SASH1: variants seen among roughly 807,000 people sequenced by gnomAD.
SASH1 encodes SAM and SH3 domain-containing protein 1.
A neutral mutation model predicts 125.2 loss-of-function variants in SASH1; 44 were observed. The observed-to-expected ratio is 0.35, with a 90% confidence interval of 0.28 to 0.45. The LOEUF is 0.45. Ranked by LOEUF, SASH1 falls within the 20% of genes least tolerant of loss-of-function variation. The probability of loss-of-function intolerance (pLI) is 1.00; values close to 1 mark genes in which losing one functional copy is unlikely to be tolerated. For missense variants in SASH1, 1,426 were observed against 1,614.5 expected, an observed-to-expected ratio of 0.88 and a Z score of 2.00; for synonymous variants, 639 against 649.1, an observed-to-expected ratio of 0.98 and a Z score of 0.24.
At chr6:148,435,514 T>A (rs2114990339) in intron 2 of SASH1, among the ~76,000 whole-genome samples, 1 of 152,188 alleles carries the variant, frequency 6.6e-6, no homozygotes, top group East Asian at 1.9e-4. Context: ...AGATGGAGTA[T>A]CTAAATTTCA....
chr6:148,468,766 C>T, intron 5 of SASH1, 181 bp downstream of exon 5: 1 of 522,380 alleles, frequency 1.9e-6, no homozygotes, highest in Non-Finnish European at 3.3e-6. Context: ...TAATTGTGAT[C>T]ATATTCTGCA....
In SASH1 at chr6:148,533,361, G is replaced by A. The variant is rs1781637846; in HGVS notation, c.1734+395G>A. On this transcript the variant is annotated intron_variant, in intron 14 of 19. Coordinates refer to ENST00000367467, the MANE Select transcript of SASH1 (RefSeq NM_015278.5). This position sits in a 1 kb window ranked among gnomAD's most constrained non-coding sequence, Gnocchi z 6.2. ...TGGGACAGATGGGGTTCCACAAAGT[G>A]TGTGCAGCCATGACAGGGCCGGGAT... 6.6e-6 allele frequency among the ~76,000 whole-genome samples: 1 copy of A among 152,196 alleles called. No homozygotes were observed. Among genetic ancestry groups the A allele is most frequent in the Non-Finnish European group, 1.5e-5 (1 of 68,040 alleles).
At chr6:148,448,960 T>C (rs1776942515) in intron 4 of SASH1, among the ~76,000 whole-genome samples, 1 of 152,220 alleles carries the variant, frequency 6.6e-6, no homozygotes, top group Admixed American at 6.5e-5. Context: ...GACCCTTGAT[T>C]GTCAGTTGCC....
intron 1 of SASH1, among the ~76,000 whole-genome samples, chr6:148,385,409 T>C (rs902653073): frequency 4.6e-5 from 7 of 152,216 alleles, no homozygotes; most frequent in African/African-American, 1.7e-4. Flanking sequence ...TTTTATGATA[T>C]TGTGAAATAC....
chr6:148,374,678 G>A (rs1205620978), intron 1 of SASH1, among the ~76,000 whole-genome samples: 2 of 146,034 alleles, frequency 1.4e-5, no homozygotes, highest in African/African-American at 2.6e-5. Context: ...TTTATTGTGT[G>A]TATTTGAGGT....
At chr6:148,424,338 G>A (rs1046081474) in intron 2 of SASH1, among the ~76,000 whole-genome samples, 1 of 150,256 alleles carries the variant, frequency 6.7e-6, no homozygotes, top group African/African-American at 2.5e-5. Flanking sequence ...TGATTCTCCT[G>A]CCTCAGCCTC....
chr6:148,366,671 CA>C (rs1782471249), intron 1 of SASH1, among the ~76,000 whole-genome samples: 1 of 152,116 alleles, frequency 6.6e-6, no homozygotes, highest in Non-Finnish European at 1.5e-5. Context: ...GATCTCAGCT[CA>C]CTGCAACCTC....
At chr6:148,221,945 T>C in the SASH1 span, among the ~76,000 whole-genome samples, 2 of 152,186 alleles carry the variant, frequency 1.3e-5, no homozygotes, top group African/African-American at 2.4e-5. Flanking sequence ...TCCCTTTACC[T>C]CCTTTCTTCA....
At chr6:148,412,649 T>C (rs576117121) in intron 2 of SASH1, among the ~76,000 whole-genome samples, 4 of 152,278 alleles carry the variant, frequency 2.6e-5, no homozygotes, top group Admixed American at 6.5e-5. Context: ...CTGCTTGGCT[T>C]CTGGTGAACG....
In SASH1 at chr6:148,468,547, A is replaced by G. The variant is rs761909660; in HGVS notation, c.389A>G (p.Asn130Ser). The change falls in exon 5 of 20, where the codon AAC (asparagine) becomes AGC (serine). Residue 130 changes from asparagine to serine, a missense_variant and splice_region_variant. Asn to Ser is a conservative substitution (Grantham distance 46, BLOSUM62 1). Coordinates refer to ENST00000367467, the MANE Select transcript of SASH1 (RefSeq NM_015278.5). The part of the protein sequence containing the change: ...AVSTPEVERK[N>S]PLHKSNSEDS... ...TCTGATTTGTTTTTCTTTTCTAGGA[A>G]CCCTCTTCATAAATCAAACTCAGAA... The G allele has an allele frequency of 1.5e-5, 24 of 1,607,892 alleles. No individual in the cohort carries two copies. The highest frequency in any genetic ancestry group is 6.7e-5 in the Admixed American group (4 of 59,588).
chr6:148,467,100 T>TGGGGGG (rs1777875323), intron 4 of SASH1, among the ~76,000 whole-genome samples: 1 of 118,542 alleles, frequency 8.4e-6, no homozygotes, highest in Non-Finnish European at 2.0e-5. Context: ...TTTTTTTTTT[T>TGGGGGG]TTTTTTTTTT....
intron 1 of SASH1, among the ~76,000 whole-genome samples, chr6:148,310,299 C>T (rs1056160549): frequency 8.6e-5 from 13 of 151,922 alleles, no homozygotes; most frequent in South Asian, 8.3e-4. Flanking sequence ...TCCAGCTGGG[C>T]GACAAGAGTG....
At position 148,546,040 on chromosome 6, in the gene SASH1, C is replaced by A. The variant is rs1782536823; in HGVS notation, c.3374C>A (p.Ala1125Asp). ...DKHGRCGIPE[A>D]LVQRYAEDLD... is the part of the protein sequence containing the mutation. ...CATGGCCGCTGTGGGATTCCTGAAG[C>A]CCTGGTGCAGAGATACGCAGAGGAC... is the stretch of plus-strand genomic sequence containing the variant. The change falls in exon 19 of 20, where the codon GCC becomes GAC. Residue 1125 changes from alanine to aspartate, a missense_variant. This residue lies in a region of SASH1 where 634 missense variants were observed against 694.4 expected (regional missense o/e 0.91). Transcript: ENST00000367467. The A allele has an allele frequency of 6.2e-7, 1 of 1,613,976 alleles. No individual in the cohort carries two copies. Among genetic ancestry groups the A allele is most frequent in the African/African-American group, 1.3e-5 (1 of 74,936 alleles).
chr6:148,415,154 A>T lies in SASH1; in HGVS notation c.285+24892A>T, dbSNP rs146305123. On this transcript the variant is annotated intron_variant, in intron 2 of 19. Coordinates refer to ENST00000367467, the MANE Select transcript of SASH1 (RefSeq NM_015278.5). The stretch of plus-strand genomic sequence containing the variant: ...CAAATGAGTTTAGAACTTTGTATTG[A>T]GTATTTTTAATTTGAGAGAAAAAAT... Among the ~76,000 whole-genome samples, 371 of 152,316 alleles carry T rather than the reference A, an allele frequency of 2.4e-3. 2 individuals carry two copies. Among genetic ancestry groups the T allele is most frequent in the African/African-American group, 8.6e-3 (356 of 41,554 alleles).
chr6:148,399,856 G>T (rs1033695395), intron 2 of SASH1, among the ~76,000 whole-genome samples: 1 of 152,184 alleles, frequency 6.6e-6, no homozygotes, highest in East Asian at 1.9e-4. Context: ...GACCATTCAG[G>T]GGGTGAACGA....
intron 2 of SASH1, among the ~76,000 whole-genome samples, chr6:148,422,818 A>T (rs1445358789): frequency 6.6e-6 from 1 of 152,206 alleles, no homozygotes; most frequent in African/African-American, 2.4e-5. Flanking sequence ...TTTATAATAG[A>T]CCAATAAAAA....
chr6:148,373,721 G>A (rs1295991256), intron 1 of SASH1, among the ~76,000 whole-genome samples: 1 of 152,050 alleles, frequency 6.6e-6, no homozygotes, highest in East Asian at 1.9e-4. Context: ...TGTAATCCCA[G>A]CACTTTGGGA....
intron 2 of SASH1, among the ~76,000 whole-genome samples, chr6:148,406,862 C>G (rs1020112722): frequency 6.8e-6 from 1 of 147,628 alleles, no homozygotes; most frequent in African/African-American, 2.5e-5. Flanking sequence ...GAGAATCAGG[C>G]GCTCCAAGGG....
chr6:148,499,987 G>A (rs948356450), intron 8 of SASH1, among the ~76,000 whole-genome samples: 4 of 152,118 alleles, frequency 2.6e-5, no homozygotes, highest in African/African-American at 9.7e-5. Flanking sequence ...ATAGAGAGAA[G>A]CAACTATTAG....
Sources: allele counts gnomAD v4.1 joint callset (sites outside exome capture counted in the v4.1 genomes callset), GRCh38; gene constraint gnomAD v4.1.1; regional missense constraint gnomAD v4.1.1; non-coding constraint Gnocchi (gnomAD v3.1); transcripts MANE v1.5; gene names NCBI Gene and HGNC (gene_info 2026-07-23, HGNC 2026-07-21).